Variants in LONRF2 observed in about 807,000 individuals in gnomAD.
LONRF2 encodes LON peptidase N-terminal domain and RING finger protein 2.
LONRF2 carries 35 observed loss-of-function variants against 66.6 expected under a neutral mutation model. The ratio of observed to expected loss-of-function variants is 0.53; its 90% CI spans 0.40 to 0.70. LONRF2 has a LOEUF of 0.70. Among genes scored for constraint, LONRF2 ranks in the 30% least tolerant of loss-of-function variants. LONRF2 has a pLI of 0.00. For missense variants in LONRF2, 902 were observed against 1,002.1 expected, an observed-to-expected ratio of 0.90 and a Z score of 1.35; for synonymous variants, 417 against 418.1, an observed-to-expected ratio of 1.00 and a Z score of 0.03.
In LONRF2 at chr2:100,294,327, T is replaced by C. The variant is rs1675021414; in HGVS notation, c.1659A>G (p.Pro553=). ...GATAGCGGGGCTCAAAAACGTGGAG[T>C]GGACATGGGACCGTGGGGAAGGCCA... is the stretch of plus-strand genomic sequence containing the variant. The part of the protein sequence containing the change: ...CAMAFPTVPC[P]LHVFEPRYRL... Residue 553 remains proline, a synonymous_variant, in exon 9 of 12, where the codon CCA becomes CCG. Coordinates refer to ENST00000393437, the MANE Select transcript of LONRF2 (RefSeq NM_198461.4). 2 of 1,608,314 alleles carry C rather than the reference T, an allele frequency of 1.2e-6. No homozygotes were observed. The highest frequency in any genetic ancestry group is 1.7e-6 in the Non-Finnish European group (2 of 1,177,944).
chr2:100,300,597 T>C (rs1675165049), intron 4 of LONRF2, 47 bp downstream of exon 4: 3 of 1,552,358 alleles, frequency 1.9e-6, no homozygotes, highest in Non-Finnish European at 2.6e-6. Context: ...GAAGCCATTA[T>C]GTAAAGCTTA....
Position 100,322,038 on chromosome 2 carries a change from C to T in LONRF2, c.56G>A (p.Arg19His), listed in dbSNP as rs1188090191. The change falls in exon 1 of 12, where the codon CGC becomes CAC. Residue 19 changes from arginine (R) to histidine (H), a missense_variant. By Grantham distance (29) the Arg-to-His change is conservative. Transcript: ENST00000393437. ...PPPPQCPGCDRAEPIAQRLEE... is the reference protein window; with the variant it reads ...PPPPQCPGCDHAEPIAQRLEE... ...TAAGCGCTGGGCGATCGGCTCCGCG[C>T]GGTCGCAGCCAGGACACTGGGGCGG... 7.4e-7 allele frequency: 1 copy of T among 1,351,508 alleles called. No homozygotes were observed. Among genetic ancestry groups the T allele is most frequent in the Non-Finnish European group, 9.5e-7 (1 of 1,052,446 alleles). The allele number at this position is 1,351,508 out of a possible 1,614,324, so 83.7% of individuals were successfully genotyped here.
At position 100,272,545 on chromosome 2, in the gene LONRF2, T is replaced by A. The variant is rs759497835; in HGVS notation, c.*11753A>T. Reference sequence around the variant, plus strand: ...AAATAAACAAACAAACTAACCAGAGTATGTAGGTTAAAAAAAAGAAAAAAA... The same window carrying A: ...AAATAAACAAACAAACTAACCAGAGAATGTAGGTTAAAAAAAAGAAAAAAA... On this transcript the variant is annotated 3_prime_UTR_variant, in exon 12 of 12. Coordinates refer to ENST00000393437, the MANE Select transcript of LONRF2 (RefSeq NM_198461.4). Among the ~76,000 whole-genome samples, 12 of 149,118 alleles carry A rather than the reference T, an allele frequency of 8.0e-5. No homozygotes were observed. The highest frequency in any genetic ancestry group is 2.5e-5 in the African/African-American group (1 of 40,306).
rs565534789 is a variant in LONRF2 at position 100,279,736 on chromosome 2, C to T, written c.*4562G>A. ...TCTTACAACCTAGGAAGCAATATCC[C>T]CCACCCTAACGACCCGGGGCTAGGT... On this transcript the variant is annotated 3_prime_UTR_variant, in exon 12 of 12. Coordinates refer to ENST00000393437, the MANE Select transcript of LONRF2 (RefSeq NM_198461.4). 2.1e-4 allele frequency: 32 copies of T among 152,388 alleles called. No homozygotes were observed. Among genetic ancestry groups the T allele is most frequent in the African/African-American group, 7.7e-4 (32 of 41,556 alleles). 9.4% of individuals were successfully genotyped at this position (152,388 alleles called of 1,614,324 possible).
At chr2:100,315,179 A>T (rs1167892754) in intron 1 of LONRF2, among the ~76,000 whole-genome samples, 1 of 152,214 alleles carries the variant, frequency 6.6e-6, no homozygotes, top group Non-Finnish European at 1.5e-5. Context: ...GAGGTATTAA[A>T]CATCTTTCAG....
In LONRF2 at chr2:100,290,310, C is replaced by T. The variant is rs751349231; in HGVS notation, c.1868G>A (p.Arg623His). Reference protein sequence around the residue: ...GISRFRVLSHRHRDGYNTADI... With the variant: ...GISRFRVLSHHHRDGYNTADI... ...CGCTGTGTTATAGCCATCTCTGTGG[C>T]GGTGGCTTAGCACTCGGAACCGACT... Residue 623 changes from arginine to histidine, a missense_variant, in exon 10 of 12, where the codon CGC becomes CAC. By Grantham distance (29) the Arg-to-His change is conservative (BLOSUM62 0). Transcript: ENST00000393437. 67 of 1,614,086 alleles carry T rather than the reference C, an allele frequency of 4.2e-5. No individual in the cohort carries two copies. The highest frequency in any genetic ancestry group is 1.6e-4 in the Middle Eastern group (1 of 6,062).
chr2:100,298,031 A>T (rs1228851731), intron 7 of LONRF2, among the ~76,000 whole-genome samples: 2 of 152,246 alleles, frequency 1.3e-5, no homozygotes, highest in Non-Finnish European at 2.9e-5. Context: ...AATAAGTTTA[A>T]TCTCTGGAAA....
Position 100,278,692 on chromosome 2 carries a change from A to C in LONRF2, c.*5606T>G, listed in dbSNP as rs929199389. The stretch of plus-strand genomic sequence containing the variant: ...AAGGAGACCCCACGTCTCACATCCC[A>C]GAAGACATTGCCCAGCCCAGCAGCT... On this transcript the variant is annotated 3_prime_UTR_variant, in exon 12 of 12. Coordinates refer to ENST00000393437, the MANE Select transcript of LONRF2 (RefSeq NM_198461.4). The C allele has an allele frequency of 2.6e-5, 4 of 152,194 alleles. No homozygotes were observed. The highest frequency in any genetic ancestry group is 9.7e-5 in the African/African-American group (4 of 41,430). The allele number at this position is 152,194 out of a possible 1,614,324, so 9.4% of individuals were successfully genotyped here. A position where few individuals can be genotyped will look rare whatever the true frequency, so the allele number is the denominator to read the frequency against.
Position 100,299,810 on chromosome 2 carries a change from G to T in LONRF2, c.1174C>A (p.Pro392Thr). Residue 392 changes from proline to threonine, a missense_variant, in exon 5 of 12, where the codon CCA becomes ACA. This residue lies in a region of LONRF2 where 585 missense variants were observed against 569.9 expected (regional missense o/e 1.03). Transcript: ENST00000393437. ...TTTAAGCCAGCGCTGGGTGCTGTTG[G>T]AAGGATGCTTTCTAACGCCTTTTTA... is the stretch of plus-strand genomic sequence containing the variant. ...EDKKALESIL[P>T]TAPSAGLKRQ... 1 of 1,613,914 alleles carries T rather than the reference G, an allele frequency of 6.2e-7. No individual in the cohort carries two copies. The highest frequency in any genetic ancestry group is 8.5e-7 in the Non-Finnish European group (1 of 1,179,890).
intron 5 of LONRF2, 89 bp from the exon 6 acceptor site, chr2:100,299,408 G>A (rs924247466): frequency 1.7e-5 from 13 of 758,932 alleles, no homozygotes; most frequent in East Asian, 1.1e-4. Flanking sequence ...TGGACCAAAC[G>A]TGTTGTATCA....
At chr2:100,315,760 T>C (rs2104213916) in intron 1 of LONRF2, among the ~76,000 whole-genome samples, 1 of 152,340 alleles carries the variant, frequency 6.6e-6, no homozygotes, top group Middle Eastern at 3.4e-3. Context: ...ATTTAGGATT[T>C]TTGCAACTAT....
chr2:100,294,181 C>T (rs768662727), intron 9 of LONRF2, 48 bp downstream of exon 9: 25 of 1,585,766 alleles, frequency 1.6e-5, no homozygotes, highest in Middle Eastern at 1.7e-4. Flanking sequence ...AAATGACAAA[C>T]GATGCCCTTC....
At chr2:100,307,063 G>A (rs1675311063) in intron 2 of LONRF2, among the ~76,000 whole-genome samples, 1 of 151,834 alleles carries the variant, frequency 6.6e-6, no homozygotes, top group Admixed American at 6.6e-5. Context: ...TGGGACTACA[G>A]GCGCCCGCCA....
chr2:100,288,285 G>A (rs1190709567), intron 10 of LONRF2, among the ~76,000 whole-genome samples: 1 of 152,208 alleles, frequency 6.6e-6, no homozygotes, highest in Non-Finnish European at 1.5e-5. Context: ...GCAGCTGGAG[G>A]AGGCACAGAG....
At position 100,272,360 on chromosome 2, in the gene LONRF2, A is replaced by G. The variant is rs1161066321; in HGVS notation, c.*11938T>C. ...TAGAAAGTAAAAAAATTAGCCGGGT[A>G]TAGCGGCATGCACCTGTGGTCCCAG... On this transcript the variant is annotated 3_prime_UTR_variant, in exon 12 of 12. Coordinates refer to ENST00000393437, the MANE Select transcript of LONRF2 (RefSeq NM_198461.4). Among the ~76,000 whole-genome samples, 3 of 152,168 alleles carry G rather than the reference A, an allele frequency of 2.0e-5. No individual in the cohort carries two copies. Among genetic ancestry groups the G allele is most frequent in the African/African-American group, 7.2e-5 (3 of 41,442 alleles).
chr2:100,302,573 C>G (rs951242630), intron 3 of LONRF2, among the ~76,000 whole-genome samples: 1 of 152,140 alleles, frequency 6.6e-6, no homozygotes, highest in Non-Finnish European at 1.5e-5. Flanking sequence ...TTACAGGTCA[C>G]CCTATAGAGC....
intron 7 of LONRF2, among the ~76,000 whole-genome samples, chr2:100,296,593 A>C (rs528945675): frequency 1.6e-4 from 24 of 152,288 alleles, no homozygotes; most frequent in African/African-American, 5.8e-4. Context: ...GTTGGTGTGA[A>C]ACAAACTAAA....
In LONRF2 at chr2:100,276,796, TTAAG is replaced by T; in HGVS notation, c.*7498_*7501del. On this transcript the variant is annotated 3_prime_UTR_variant, in exon 12 of 12. Coordinates refer to ENST00000393437, the MANE Select transcript of LONRF2 (RefSeq NM_198461.4). ...TTACAGATTTGGCTAACATGTCCCA[TTAAG>T]TGTCTACTTGCACAGCTTCTTGGCT... The T allele has an allele frequency of 6.6e-6, 1 of 152,240 alleles. No homozygotes were observed. The highest frequency in any genetic ancestry group is 1.9e-4 in the East Asian group (1 of 5,190). The allele number at this position is 152,240 out of a possible 1,614,324, so 9.4% of individuals were successfully genotyped here. A position where few individuals can be genotyped will look rare whatever the true frequency, so the allele number is the denominator to read the frequency against.
chr2:100,317,797 T>G (rs1326770813), intron 1 of LONRF2, among the ~76,000 whole-genome samples: 2 of 152,216 alleles, frequency 1.3e-5, no homozygotes, highest in African/African-American at 2.4e-5. Context: ...CTTCAATAAT[T>G]TTGTCTAAAA....
Sources: gnomAD v4.1 joint callset for allele counts (sites outside exome capture counted in the v4.1 genomes callset) on GRCh38, gnomAD v4.1.1 for gene constraint, gnomAD v4.1.1 regional missense constraint, MANE v1.5 for transcripts, NCBI Gene and HGNC (gene_info 2026-07-23, HGNC 2026-07-21) for gene names.